PABPC4L: variants seen among roughly 807,000 people sequenced by gnomAD.
The protein encoded by PABPC4L is polyadenylate-binding protein 4-like.
For missense variants in PABPC4L, 452 were observed against 451.4 expected, an observed-to-expected ratio of 1.00 and a Z score of -0.01; for synonymous variants, 169 against 164.1, an observed-to-expected ratio of 1.03 and a Z score of -0.23.
chr4:134,089,674 T>A, the PABPC4L span, among the ~76,000 whole-genome samples: 2 of 152,112 alleles, frequency 1.3e-5, no homozygotes, highest in Non-Finnish European at 2.9e-5. Flanking sequence ...ATACATTTTT[T>A]TTTCTCCAGC....
At chr4:134,073,985 TGAG>T in the PABPC4L span, among the ~76,000 whole-genome samples, 1 of 152,170 alleles carries the variant, frequency 6.6e-6, no homozygotes, top group South Asian at 2.1e-4. Context: ...GAGGGTCTGC[TGAG>T]AAGTTCTCTG....
At chr4:134,115,700 G>A in the PABPC4L span, among the ~76,000 whole-genome samples, 4 of 151,692 alleles carry the variant, frequency 2.6e-5, no homozygotes, top group Admixed American at 6.6e-5. Flanking sequence ...TGAGGGTTTC[G>A]CTGCTGGATG....
the PABPC4L span, among the ~76,000 whole-genome samples, chr4:134,092,811 G>A: frequency 3.3e-5 from 5 of 151,968 alleles, no homozygotes; most frequent in Admixed American, 3.3e-4. Context: ...CCCACAAGAG[G>A]GTCAGGGAAC....
At chr4:134,172,959 A>C in the PABPC4L span, among the ~76,000 whole-genome samples, 1 of 151,924 alleles carries the variant, frequency 6.6e-6, no homozygotes, top group Non-Finnish European at 1.5e-5. Context: ...TTATGAAAAA[A>C]TGTTCAACAT....
chr4:134,132,478 A>G, the PABPC4L span, among the ~76,000 whole-genome samples: 2 of 151,978 alleles, frequency 1.3e-5, no homozygotes, highest in Non-Finnish European at 2.9e-5. Context: ...AACATCACCA[A>G]TGAGCAGAGA....
chr4:134,196,092 T>C (rs947422761), downstream of PABPC4L, among the ~76,000 whole-genome samples: 6 of 151,516 alleles, frequency 4.0e-5, no homozygotes, highest in Admixed American at 1.3e-4. Flanking sequence ...AATTCAGAAA[T>C]GTCTTTAAAA....
At chr4:134,057,336 T>A in the PABPC4L span, among the ~76,000 whole-genome samples, 1 of 152,058 alleles carries the variant, frequency 6.6e-6, no homozygotes, top group African/African-American at 2.4e-5. Flanking sequence ...GTCTTTTCTG[T>A]GGGGAGTTAC....
chr4:134,079,268 C>A, the PABPC4L span, among the ~76,000 whole-genome samples: 1 of 151,000 alleles, frequency 6.6e-6, no homozygotes, highest in Non-Finnish European at 1.5e-5. Flanking sequence ...CCACAACCAA[C>A]CTGTTTTGTA....
chr4:134,189,121 G>A, the PABPC4L span, among the ~76,000 whole-genome samples: 128 of 151,988 alleles, frequency 8.4e-4, no homozygotes, highest in African/African-American at 2.9e-3. Flanking sequence ...CAGTGTTTTC[G>A]ATCTCTTGAA....
At chr4:134,070,164 C>A in the PABPC4L span, among the ~76,000 whole-genome samples, 2 of 151,980 alleles carry the variant, frequency 1.3e-5, no homozygotes, top group African/African-American at 4.8e-5. Context: ...TTTTCTGGAC[C>A]CTTGTGAGCT....
At chr4:134,196,214 A>G (rs1443538836), downstream of PABPC4L, 1 of 151,528 alleles carries the variant, frequency 6.6e-6, no homozygotes, top group Non-Finnish European at 1.5e-5. Context: ...TGTCCTTGAA[A>G]ACCTGAAATA....
chr4:133,966,563 C>T, the PABPC4L span, among the ~76,000 whole-genome samples: 5 of 152,160 alleles, frequency 3.3e-5, no homozygotes, highest in Admixed American at 1.3e-4. Context: ...CCCAAATGCC[C>T]ATCAATAAAC....
the PABPC4L span, among the ~76,000 whole-genome samples, chr4:134,076,784 T>C: frequency 2.0e-5 from 3 of 152,128 alleles, no homozygotes; most frequent in African/African-American, 4.8e-5. Context: ...CCCATATAGA[T>C]AGATAGATAG....
At chr4:134,126,903 T>C in the PABPC4L span, among the ~76,000 whole-genome samples, 2 of 152,108 alleles carry the variant, frequency 1.3e-5, no homozygotes, top group Non-Finnish European at 2.9e-5. Context: ...GCTCACTGGC[T>C]GTATGAAAAT....
chr4:134,111,255 T>C, the PABPC4L span, among the ~76,000 whole-genome samples: 1 of 152,000 alleles, frequency 6.6e-6, no homozygotes, highest in Non-Finnish European at 1.5e-5. Context: ...TTTAATTCAT[T>C]AGAGCAGAGC....
chr4:134,067,867 T>G, the PABPC4L span, among the ~76,000 whole-genome samples: 1 of 152,310 alleles, frequency 6.6e-6, no homozygotes, highest in African/African-American at 2.4e-5. Context: ...TTTTAATTTT[T>G]TATTGCATTG....
the PABPC4L span, among the ~76,000 whole-genome samples, chr4:133,999,048 A>C: frequency 6.6e-6 from 1 of 152,034 alleles, no homozygotes; most frequent in Admixed American, 6.6e-5. Context: ...GGCACAAAAA[A>C]TAATCTGAAC....
chr4:134,171,773 C>G, the PABPC4L span, among the ~76,000 whole-genome samples: 2 of 152,080 alleles, frequency 1.3e-5, no homozygotes, highest in Admixed American at 6.6e-5. Flanking sequence ...AACCCATAGT[C>G]TCTGTTGAAA....
At chr4:134,005,537 A>G in the PABPC4L span, among the ~76,000 whole-genome samples, 1 of 151,866 alleles carries the variant, frequency 6.6e-6, no homozygotes, top group African/African-American at 2.4e-5. Context: ...TAGTAATCCA[A>G]GTAAATAAAT....
Sources: gnomAD v4.1 joint callset for allele counts (sites outside exome capture counted in the v4.1 genomes callset) on GRCh38, gnomAD v4.1.1 for gene constraint, MANE v1.5 for transcripts, NCBI Gene and HGNC (gene_info 2026-07-23, HGNC 2026-07-21) for gene names.